The following FBXO25 variants were observed in gnomAD, a reference collection of about 807,000 sequenced individuals.
The protein encoded by FBXO25 is F-box protein 25.
Under a neutral mutation model 51.9 loss-of-function variants are expected in FBXO25, and 45 were observed. The ratio of observed to expected loss-of-function variants is 0.87; its 90% CI spans 0.68 to 1.11. The LOEUF is 1.11. FBXO25 is among the 50% of genes most tolerant of loss of function. The probability of loss-of-function intolerance (pLI) is 0.00; values close to 1 mark genes in which losing one functional copy is unlikely to be tolerated. For synonymous variants in FBXO25, 199 were observed against 151.0 expected (o/e 1.32, Z -2.33); for missense variants, 507 against 428.5 (o/e 1.18, Z -1.62).
chr8:476,703 TG>T lies in FBXO25; in HGVS notation c.*7901del, dbSNP rs1724208944. 1 of 152,166 alleles carries T rather than the reference TG, an allele frequency of 6.6e-6. No individual in the cohort carries two copies. The highest frequency in any genetic ancestry group is 2.4e-5 in the African/African-American group (1 of 41,448). The allele number at this position is 152,166 out of a possible 1,614,324, so 9.4% of individuals were successfully genotyped here. On this transcript the variant is annotated 3_prime_UTR_variant, in exon 10 of 10. Transcript: ENST00000350302. ...TAAAATCAGTTGTAATGTCTCCTCC[TG>T]GTTTTTAGTTGTTTTTCTTAGTCAC...
At chr8:466,457 T>G (rs1035389380) in intron 9 of FBXO25, among the ~76,000 whole-genome samples, 5 of 152,216 alleles carry the variant, frequency 3.3e-5, no homozygotes, top group Admixed American at 1.3e-4. Context: ...CACTTAGGGT[T>G]AGGGTCACTG....
At chr8:418,333 CTTTTTTTTTTTT>C (rs1207244013) in intron 2 of FBXO25, among the ~76,000 whole-genome samples, 1 of 72,336 alleles carries the variant, frequency 1.4e-5, no homozygotes, top group Non-Finnish European at 2.5e-5. Context: ...TTTGTTTGTT[CTTTTTTTTTTTT>C]TTTTTTTTTT....
chr8:437,076 C>G (rs554871924), intron 5 of FBXO25, among the ~76,000 whole-genome samples: 4 of 151,746 alleles, frequency 2.6e-5, no homozygotes, highest in Non-Finnish European at 5.9e-5. Flanking sequence ...TTTTTTTTGT[C>G]TGTGTACCAC....
rs1799593088 is a variant in FBXO25, at chr8:458,409, A to T, written c.701A>T (p.His234Leu). The T allele has an allele frequency of 1.2e-6, 2 of 1,614,188 alleles. No individual in the cohort carries two copies. The highest frequency in any genetic ancestry group is 1.7e-6 in the Non-Finnish European group (2 of 1,180,010). The change falls in exon 8 of 10, where the codon CAC becomes CTC. Residue 234 changes from histidine to leucine, a missense_variant. His to Leu is a moderately conservative substitution (Grantham distance 99). Transcript: ENST00000350302. ...NGLTLSDLPLHMLNNILYRFS... is the reference protein window; with the variant it reads ...NGLTLSDLPLLMLNNILYRFS... ...CTCACCCTCAGTGACCTTCCTCTGCACATGCTGAACAACATCCTATACCGG... is the reference window on the plus strand; with the variant it reads ...CTCACCCTCAGTGACCTTCCTCTGCTCATGCTGAACAACATCCTATACCGG...
rs1364465336 is a variant in FBXO25 at position 471,784 on chromosome 8, T to G, written c.*2980T>G. The G allele has an allele frequency of 1.3e-5, 2 of 152,234 alleles. No individual in the cohort carries two copies. The highest frequency in any genetic ancestry group is 4.8e-5 in the African/African-American group (2 of 41,458). The allele number at this position is 152,234 out of a possible 1,614,324, so 9.4% of individuals were successfully genotyped here. A position where few individuals can be genotyped will look rare whatever the true frequency, so the allele number is the denominator to read the frequency against. The stretch of plus-strand genomic sequence containing the variant: ...AGCCTCTCAGGAGCAGACCGATTTG[T>G]AGCTGTCGTGGTTTACTGCATGACG... On this transcript the variant is annotated 3_prime_UTR_variant, in exon 10 of 10. Transcript: ENST00000350302.
intron 9 of FBXO25, among the ~76,000 whole-genome samples, chr8:465,232 G>C (rs1191666401): frequency 6.6e-6 from 1 of 152,148 alleles, no homozygotes; most frequent in East Asian, 1.9e-4. Context: ...ACTGACACCT[G>C]TTCTTCTCTG....
chr8:440,444 G>A (rs6981182), intron 5 of FBXO25, among the ~76,000 whole-genome samples: 973 of 132,198 alleles, frequency 7.4e-3, no homozygotes, highest in African/African-American at 0.019. Context: ...TCACAATGGA[G>A]TCAAGGACAG....
Position 440,286 on chromosome 8 carries a change from T to C in FBXO25, c.381+4579T>C, listed in dbSNP as rs182569600. ...TTAGATTAGTTCCATCATAGGAAGC[T>C]CTTGGAACAGTCTGTACTCTGTGTT... On this transcript the variant is annotated intron_variant, in intron 5 of 9. Coordinates refer to ENST00000350302, the MANE Select transcript of FBXO25 (RefSeq NM_183420.2). Among the ~76,000 whole-genome samples, 8 of 152,370 alleles carry C rather than the reference T, an allele frequency of 5.3e-5. No individual in the cohort carries two copies. In the South Asian group the frequency reaches 1.4e-3, roughly 28 times the overall value.
chr8:410,869 G>T (rs150630307), intron 1 of FBXO25, among the ~76,000 whole-genome samples: 3 of 152,138 alleles, frequency 2.0e-5, no homozygotes, highest in African/African-American at 4.8e-5. Flanking sequence ...GATTTTCTTC[G>T]TGTAAAGAAT....
rs951102894 is a variant in FBXO25 at position 469,726 on chromosome 8, A to G, written c.*922A>G. ...ACCCAAAGATTATTGTGCATGCTGAAAAGAGTATGAAAAATCCCCTCAGCA... is the reference window on the plus strand; with the variant it reads ...ACCCAAAGATTATTGTGCATGCTGAGAAGAGTATGAAAAATCCCCTCAGCA... On this transcript the variant is annotated 3_prime_UTR_variant, in exon 10 of 10. Coordinates refer to ENST00000350302, the MANE Select transcript of FBXO25 (RefSeq NM_183420.2). 1 of 152,206 alleles carries G rather than the reference A, an allele frequency of 6.6e-6. No individual in the cohort carries two copies. Among genetic ancestry groups the G allele is most frequent in the African/African-American group, 2.4e-5 (1 of 41,446 alleles). The allele number at this position is 152,206 out of a possible 1,614,324, so 9.4% of individuals were successfully genotyped here.
At chr8:428,624 A>T (rs553141513) in intron 2 of FBXO25, among the ~76,000 whole-genome samples, 1 of 152,150 alleles carries the variant, frequency 6.6e-6, no homozygotes, top group East Asian at 1.9e-4. Flanking sequence ...TTGTGCAACC[A>T]TTACCACCAT....
chr8:423,382 G>C (rs1563068043), intron 2 of FBXO25, among the ~76,000 whole-genome samples: 1 of 152,160 alleles, frequency 6.6e-6, no homozygotes, highest in East Asian at 1.9e-4. Flanking sequence ...GGGGTTTGGA[G>C]TACAGATCCT....
At chr8:439,332 G>C (rs1463364293) in intron 5 of FBXO25, among the ~76,000 whole-genome samples, 2 of 152,198 alleles carry the variant, frequency 1.3e-5, no homozygotes, top group Admixed American at 6.5e-5. Flanking sequence ...TGCACGGCGT[G>C]AAAGCTTCCT....
chr8:429,228 C>T (rs1797675487), intron 2 of FBXO25, among the ~76,000 whole-genome samples: 1 of 152,064 alleles, frequency 6.6e-6, no homozygotes, highest in Non-Finnish European at 1.5e-5. Flanking sequence ...TTTAATTTGC[C>T]AGTAGCCTCA....
chr8:426,545 A>G (rs539994670), intron 2 of FBXO25, among the ~76,000 whole-genome samples: 1 of 152,122 alleles, frequency 6.6e-6, no homozygotes, highest in East Asian at 1.9e-4. Context: ...TGGTGCAGGT[A>G]GGGAGTGTGG....
intron 7 of FBXO25, among the ~76,000 whole-genome samples, 168 bp downstream of exon 7, chr8:451,621 G>T (rs1799103748): frequency 6.6e-6 from 1 of 152,132 alleles, no homozygotes; most frequent in Non-Finnish European, 1.5e-5. Flanking sequence ...AGACCCCAAT[G>T]GCTTATAGTT....
chr8:467,505 T>G (rs1378162546), intron 9 of FBXO25, among the ~76,000 whole-genome samples: 1 of 152,218 alleles, frequency 6.6e-6, no homozygotes, highest in East Asian at 1.9e-4. Context: ...TTCAAGTAGT[T>G]TGGGAATTTT....
chr8:448,014 A>G (rs73669383), intron 5 of FBXO25, among the ~76,000 whole-genome samples: 7 of 152,136 alleles, frequency 4.6e-5, no homozygotes, highest in Non-Finnish European at 1.0e-4. Flanking sequence ...TGGGAAACAC[A>G]AAAAAGGTGA....
chr8:415,276 C>G (rs1056701559), intron 2 of FBXO25, among the ~76,000 whole-genome samples: 3 of 152,116 alleles, frequency 2.0e-5, no homozygotes, highest in African/African-American at 7.2e-5. Context: ...CCTTTAGTAT[C>G]CTTCTGCTTA....
Sources: gnomAD v4.1 joint callset for allele counts (sites outside exome capture counted in the v4.1 genomes callset) on GRCh38, gnomAD v4.1.1 for gene constraint, MANE v1.5 for transcripts, NCBI Gene and HGNC (gene_info 2026-07-23, HGNC 2026-07-21) for gene names.